The following VTI1A variants were observed in gnomAD, a reference collection of about 807,000 sequenced individuals.
VTI1A encodes vesicle transport through interaction with t-SNAREs homolog 1A.
A neutral mutation model predicts 34.9 loss-of-function variants in VTI1A; 22 were observed. That is an observed-to-expected ratio of 0.63 (90% CI 0.45 to 0.90). VTI1A has a LOEUF of 0.90. Among genes scored for constraint, VTI1A ranks in the 40% least tolerant of loss-of-function variants. The pLI is 0.00. For missense variants in VTI1A, 268 were observed against 275.6 expected (o/e 0.97, Z 0.20); for synonymous variants, 87 against 97.3 (o/e 0.89, Z 0.62).
At chr10:112,679,775 A>C (rs926500139) in intron 7 of VTI1A, among the ~76,000 whole-genome samples, 5 of 152,010 alleles carry the variant, frequency 3.3e-5, no homozygotes, top group Admixed American at 1.3e-4. Flanking sequence ...AAAAAAAAAA[A>C]AACACCTGTC....
chr10:112,469,960 C>T (rs138062716), intron 3 of VTI1A, among the ~76,000 whole-genome samples: 2 of 152,196 alleles, frequency 1.3e-5, no homozygotes, highest in Non-Finnish European at 1.5e-5. Flanking sequence ...GTGGGCTCCC[C>T]CTCCGTGTGC....
chr10:112,447,586 T>C (rs1846934866), intron 1 of VTI1A, 119 bp downstream of exon 1: 4 of 1,193,328 alleles, frequency 3.4e-6, no homozygotes, highest in Non-Finnish European at 3.6e-6. Context: ...TGGTGCCGGC[T>C]GTTCCCAGGA....
intron 7 of VTI1A, among the ~76,000 whole-genome samples, chr10:112,778,279 C>G (rs1056343902): frequency 6.6e-6 from 1 of 152,152 alleles, no homozygotes; most frequent in African/African-American, 2.4e-5. Context: ...TGTTGTTGAA[C>G]TGAAGAACCT....
chr10:112,535,281 A>G (rs1850579404), intron 4 of VTI1A, among the ~76,000 whole-genome samples: 1 of 152,208 alleles, frequency 6.6e-6, no homozygotes, highest in South Asian at 2.1e-4. Flanking sequence ...TCTTTGATAT[A>G]GATCTAGCAT....
At chr10:112,497,311 C>A (rs1849062248) in intron 3 of VTI1A, among the ~76,000 whole-genome samples, 1 of 151,278 alleles carries the variant, frequency 6.6e-6, no homozygotes. Flanking sequence ...GAGCTAGACT[C>A]CGTCTCAAAA....
At chr10:112,756,009 C>T (rs1371612642) in intron 7 of VTI1A, among the ~76,000 whole-genome samples, 1 of 152,016 alleles carries the variant, frequency 6.6e-6, no homozygotes, top group Non-Finnish European at 1.5e-5. Flanking sequence ...CTGCCACCCT[C>T]CTTTCAAAGA....
chr10:112,715,526 G>A (rs796087058), intron 7 of VTI1A, among the ~76,000 whole-genome samples: 4 of 152,114 alleles, frequency 2.6e-5, no homozygotes, highest in Admixed American at 6.6e-5. Context: ...GAACTGGGAG[G>A]ACAGTAAACG....
intron 7 of VTI1A, among the ~76,000 whole-genome samples, chr10:112,697,399 C>CTTTTCT (rs745391297): frequency 0.056 from 6,377 of 113,874 alleles, 347 homozygotes; most frequent in East Asian, 0.26. Context: ...CTTTTCTTTT[C>CTTTTCT]TTTTTTTTTT....
At chr10:112,599,237 T>C (rs967632159) in intron 5 of VTI1A, among the ~76,000 whole-genome samples, 1 of 151,218 alleles carries the variant, frequency 6.6e-6, no homozygotes, top group Non-Finnish European at 1.5e-5. Flanking sequence ...AAGGCCAGAG[T>C]GAGGTAGGAA....
chr10:112,505,686 T>TG, intron 3 of VTI1A, among the ~76,000 whole-genome samples: 1 of 152,064 alleles, frequency 6.6e-6, no homozygotes. Context: ...AATTTTTTTT[T>TG]TTTTTGAGAT....
chr10:112,523,883 A>G (rs934608527), intron 3 of VTI1A, among the ~76,000 whole-genome samples: 1 of 152,164 alleles, frequency 6.6e-6, no homozygotes, highest in Non-Finnish European at 1.5e-5. Context: ...TCATGTTTGC[A>G]TTTGGCTAAA....
chr10:112,763,527 G>C (rs2134011564), intron 7 of VTI1A, among the ~76,000 whole-genome samples: 1 of 151,952 alleles, frequency 6.6e-6, no homozygotes, highest in Non-Finnish European at 1.5e-5. Context: ...CTAAGGTGAT[G>C]AGGTTGAATT....
At chr10:112,464,304 A>G (rs6585156) in intron 2 of VTI1A, among the ~76,000 whole-genome samples, 107,997 of 152,220 alleles carry the variant, frequency 0.71, 39,692 homozygotes, top group Non-Finnish European at 0.8. Context: ...GGCCAAATGT[A>G]TATGTTTTAA....
chr10:112,505,591 A>G (rs993103634), intron 3 of VTI1A, among the ~76,000 whole-genome samples: 8 of 151,972 alleles, frequency 5.3e-5, no homozygotes, highest in African/African-American at 1.9e-4. Flanking sequence ...TACTTGACAT[A>G]TATGTGGCTG....
the VTI1A span, among the ~76,000 whole-genome samples, chr10:112,852,749 G>C: frequency 6.6e-6 from 1 of 152,144 alleles, no homozygotes; most frequent in Non-Finnish European, 1.5e-5. Context: ...AGTCTGGATA[G>C]GACTGTCTTT....
At chr10:112,623,821 G>T (rs1337989563) in intron 5 of VTI1A, among the ~76,000 whole-genome samples, 1 of 152,146 alleles carries the variant, frequency 6.6e-6, no homozygotes, top group Non-Finnish European at 1.5e-5. Flanking sequence ...CAGGGAAAGG[G>T]GGAAAATTGC....
At chr10:112,727,290 A>G (rs924054261) in intron 7 of VTI1A, among the ~76,000 whole-genome samples, 1 of 152,024 alleles carries the variant, frequency 6.6e-6, no homozygotes, top group Admixed American at 6.6e-5. Flanking sequence ...GTCTTTCTCC[A>G]CTCTATACTT....
At chr10:112,723,581 C>G (rs942666379) in intron 7 of VTI1A, among the ~76,000 whole-genome samples, 1 of 152,092 alleles carries the variant, frequency 6.6e-6, no homozygotes, top group African/African-American at 2.4e-5. Flanking sequence ...ATCTTCAGGA[C>G]AATCTCAATT....
intron 7 of VTI1A, among the ~76,000 whole-genome samples, chr10:112,691,191 G>C (rs1169554089): frequency 6.6e-6 from 1 of 151,828 alleles, no homozygotes; most frequent in Admixed American, 6.6e-5. Context: ...AACACAGGAG[G>C]TGTAGGTTGC....
Sources: gnomAD v4.1 joint callset for allele counts (sites outside exome capture counted in the v4.1 genomes callset) on GRCh38, gnomAD v4.1.1 for gene constraint, MANE v1.5 for transcripts, NCBI Gene and HGNC (gene_info 2026-07-23, HGNC 2026-07-21) for gene names.